Variants in MCMBP observed in about 807,000 individuals in gnomAD.
The protein encoded by MCMBP is mini-chromosome maintenance complex-binding protein.
A neutral mutation model predicts 81.3 loss-of-function variants in MCMBP; 31 were observed. The observed-to-expected ratio is 0.38, with a 90% confidence interval of 0.29 to 0.51. MCMBP has a LOEUF of 0.51. Among genes scored for constraint, MCMBP ranks in the 20% least tolerant of loss-of-function variants. The probability of loss-of-function intolerance (pLI) is 0.87; values close to 1 mark genes in which losing one functional copy is unlikely to be tolerated. For synonymous variants in MCMBP, 267 were observed against 275.9 expected (o/e 0.97, Z 0.32); for missense variants, 645 against 772.1 (o/e 0.84, Z 1.95).
At chr10:119,844,659 G>A (rs1852558370) in intron 8 of MCMBP, among the ~76,000 whole-genome samples, 2 of 152,156 alleles carry the variant, frequency 1.3e-5, no homozygotes, top group African/African-American at 4.8e-5. Context: ...TGTTGCCAAA[G>A]GAGATTAACA....
intron 15 of MCMBP, among the ~76,000 whole-genome samples, 164 bp downstream of exon 15, chr10:119,831,848 C>T (rs923356140): frequency 3.3e-5 from 5 of 152,188 alleles, no homozygotes; most frequent in African/African-American, 1.2e-4. Flanking sequence ...CTGAAGAGAT[C>T]ACCAGCCAAA....
At chr10:119,835,511 G>C (rs755327425) in intron 14 of MCMBP, 29 bp downstream of exon 14, 3 of 1,588,668 alleles carry the variant, frequency 1.9e-6, no homozygotes, top group Non-Finnish European at 1.7e-6. Flanking sequence ...TTCAACACAG[G>C]GAAATCCTTT....
chr10:119,835,104 T>C (rs1174431608), intron 14 of MCMBP, among the ~76,000 whole-genome samples: 1 of 152,150 alleles, frequency 6.6e-6, no homozygotes, highest in Non-Finnish European at 1.5e-5. Context: ...TCTAAATGTG[T>C]TGATGGACAT....
chr10:119,859,303 C>T, intron 2 of MCMBP, 122 bp from the exon 3 acceptor site: 1 of 777,108 alleles, frequency 1.3e-6, no homozygotes, highest in East Asian at 2.7e-5. Flanking sequence ...CACACACACA[C>T]ACCCATGCCA....
At chr10:119,833,144 ATTTC>A (rs1852106315) in intron 14 of MCMBP, among the ~76,000 whole-genome samples, 1 of 152,198 alleles carries the variant, frequency 6.6e-6, no homozygotes, top group South Asian at 2.1e-4. Context: ...ATTTAAGGAA[ATTTC>A]TTTCCAATCA....
chr10:119,860,904 T>C (rs1281200677), intron 1 of MCMBP, among the ~76,000 whole-genome samples: 1 of 152,242 alleles, frequency 6.6e-6, no homozygotes, highest in Non-Finnish European at 1.5e-5. Flanking sequence ...TCATTGGTGA[T>C]GTTAATTTTG....
At position 119,836,343 on chromosome 10, in the gene MCMBP, G is replaced by A. The variant is rs533362895; in HGVS notation, c.1542+553C>T. ...AGCCATTTCATTCTTAGTCAAAGGCGGTTTCTCATCAATCGCAGGTGAATA... is the reference window on the plus strand; with the variant it reads ...AGCCATTTCATTCTTAGTCAAAGGCAGTTTCTCATCAATCGCAGGTGAATA... On this transcript the variant is annotated intron_variant, in intron 13 of 15. Coordinates refer to ENST00000369077, the MANE Select transcript of MCMBP (RefSeq NM_001256378.2). Among the ~76,000 whole-genome samples the A allele has an allele frequency of 5.3e-5, 8 of 152,198 alleles. No individual in the cohort carries two copies. The South Asian group carries it at 1.5e-3, about 28-fold the overall frequency.
intron 7 of MCMBP, among the ~76,000 whole-genome samples, chr10:119,848,920 G>C (rs1852713760): frequency 6.6e-6 from 1 of 152,226 alleles, no homozygotes; most frequent in Non-Finnish European, 1.5e-5. Context: ...TTCTGCATTT[G>C]AGATGTTCTT....
rs769329092 is a variant in MCMBP, at chr10:119,849,537, C to G, written c.614G>C (p.Arg205Pro). ...CCCAGTAGAAGCTTCAGTTTCTAAA[C>G]GTTTTGGCTCTCCACACCATTGAAG... ...GGLQWCGEPK[R>P]LETEASTGQQ... The change falls in exon 7 of 16, where the codon CGT (arginine) becomes CCT (proline). Residue 205 changes from arginine (R) to proline (P), a missense_variant. Transcript: ENST00000369077. 1 of 1,607,606 alleles carries G rather than the reference C, an allele frequency of 6.2e-7. No individual in the cohort carries two copies. Among genetic ancestry groups the G allele is most frequent in the Non-Finnish European group, 8.5e-7 (1 of 1,178,162 alleles).
At chr10:119,831,985 C>T (rs1156489872) in intron 15 of MCMBP, 27 bp downstream of exon 15, 6 of 1,585,936 alleles carry the variant, frequency 3.8e-6, no homozygotes, top group Admixed American at 1.8e-5. Flanking sequence ...CTTACCGAAA[C>T]AGCAATAATG....
rs577801689 is a variant in MCMBP, at chr10:119,864,371, G to A, written c.59-4487C>T. On this transcript the variant is annotated intron_variant, in intron 1 of 15. Transcript: ENST00000369077. ...AGAAAGCTAATACAGTGGTTTTTGA[G>A]GAACTGGTCCATTTCATCTAAGTTG... is the stretch of plus-strand genomic sequence containing the variant. Among the ~76,000 whole-genome samples, 5 of 152,268 alleles carry A rather than the reference G, an allele frequency of 3.3e-5. No homozygotes were observed. The East Asian group carries it at 5.8e-4, about 18-fold the overall frequency.
At chr10:119,836,121 A>G (rs1589775134) in intron 13 of MCMBP, among the ~76,000 whole-genome samples, 1 of 152,234 alleles carries the variant, frequency 6.6e-6, no homozygotes, top group Non-Finnish European at 1.5e-5. Flanking sequence ...GGCGTGAGCC[A>G]CCGCAGCCAG....
At chr10:119,854,830 TG>T (rs1182363878) in intron 5 of MCMBP, among the ~76,000 whole-genome samples, 2 of 151,580 alleles carry the variant, frequency 1.3e-5, no homozygotes, top group African/African-American at 4.8e-5. Flanking sequence ...GGCACACACC[TG>T]TAGTCCCAGC....
intron 10 of MCMBP, among the ~76,000 whole-genome samples, chr10:119,841,209 G>A (rs530537929): frequency 2.3e-4 from 35 of 152,268 alleles, no homozygotes; most frequent in Admixed American, 1.1e-3. Context: ...ACCATTCAGC[G>A]GTAGGTGCTG....
intron 4 of MCMBP, among the ~76,000 whole-genome samples, chr10:119,858,657 A>T (rs996450941): frequency 6.6e-6 from 1 of 152,166 alleles, no homozygotes; most frequent in Non-Finnish European, 1.5e-5. Flanking sequence ...CAGATATTGG[A>T]GAGAGGAATT....
chr10:119,837,709 G>A (rs774134574), intron 12 of MCMBP, among the ~76,000 whole-genome samples: 1 of 152,052 alleles, frequency 6.6e-6, no homozygotes, highest in African/African-American at 2.4e-5. Flanking sequence ...GTGTGAACCC[G>A]GGAGTTGGAG....
intron 12 of MCMBP, among the ~76,000 whole-genome samples, chr10:119,837,617 C>A (rs573565729): frequency 3.3e-5 from 5 of 152,018 alleles, no homozygotes; most frequent in Admixed American, 2.6e-4. Flanking sequence ...AACTTTACAA[C>A]GGGAGGTTAA....
intron 1 of MCMBP, among the ~76,000 whole-genome samples, chr10:119,872,093 G>C (rs1853697153): frequency 6.6e-6 from 1 of 152,216 alleles, no homozygotes; most frequent in African/African-American, 2.4e-5. Flanking sequence ...CGCACCGGAA[G>C]TTTTGAAATA....
Position 119,859,167 on chromosome 10 carries a change from G to A in MCMBP, c.159C>T (p.Asn53=), listed in dbSNP as rs190686048. The change falls in exon 3 of 16, where the codon AAC becomes AAT. Residue 53 remains asparagine (N), a synonymous_variant. Coordinates refer to ENST00000369077, the MANE Select transcript of MCMBP (RefSeq NM_001256378.2). ...GTTTCAAATAATGAAGGGGAACTTC[G>A]TTCAGTGATGGTACCTTAAAGGAAA... The part of the protein sequence containing the change: ...NNAPKWVPSL[N]EVPLHYLKPN... The A allele has an allele frequency of 5.0e-6, 8 of 1,613,254 alleles. No individual in the cohort carries two copies. The highest frequency in any genetic ancestry group is 6.8e-6 in the Non-Finnish European group (8 of 1,179,724).
Sources: allele counts gnomAD v4.1 joint callset (sites outside exome capture counted in the v4.1 genomes callset), GRCh38; gene constraint gnomAD v4.1.1; transcripts MANE v1.5; gene names NCBI Gene and HGNC (gene_info 2026-07-23, HGNC 2026-07-21).